The following GAS7 variants were observed in gnomAD, a reference collection of about 807,000 sequenced individuals.
GAS7 encodes growth arrest specific 7.
Under a neutral mutation model 71.1 loss-of-function variants are expected in GAS7, and 28 were observed. The ratio of observed to expected loss-of-function variants is 0.39; its 90% CI spans 0.29 to 0.54. The LOEUF (loss-of-function observed/expected upper bound fraction) is 0.54, where lower values mean the gene tolerates loss of function less well. GAS7 is among the 20% of genes least tolerant of loss of function. The pLI is 0.62. For synonymous variants in GAS7, 258 were observed against 245.8 expected (o/e 1.05, Z -0.46); for missense variants, 436 against 627.8 (o/e 0.69, Z 3.27).
At chr17:10,027,488 G>A (rs904348974) in intron 1 of GAS7, among the ~76,000 whole-genome samples, 1 of 152,188 alleles carries the variant, frequency 6.6e-6, no homozygotes, top group Non-Finnish European at 1.5e-5. Flanking sequence ...ATTAAGAGGT[G>A]GGACCTTTAA....
intron 1 of GAS7, among the ~76,000 whole-genome samples, chr17:10,063,414 T>C (rs2073242018): frequency 6.6e-6 from 1 of 152,214 alleles, no homozygotes; most frequent in African/African-American, 2.4e-5. Flanking sequence ...AACTTCTCAG[T>C]TGCAATGATC....
chr17:10,154,036 A>C (rs1389980507), intron 1 of GAS7, among the ~76,000 whole-genome samples: 2 of 152,202 alleles, frequency 1.3e-5, no homozygotes, highest in Admixed American at 1.3e-4. Flanking sequence ...ATAATAATGT[A>C]ATCTGGATCT....
intron 1 of GAS7, among the ~76,000 whole-genome samples, chr17:10,172,606 G>C (rs148370356): frequency 6.6e-6 from 1 of 152,342 alleles, no homozygotes. Context: ...CTTGACATCT[G>C]ACTTTATAGC....
chr17:9,935,849 G>A (rs986533299), intron 8 of GAS7, among the ~76,000 whole-genome samples: 1 of 152,240 alleles, frequency 6.6e-6, no homozygotes, highest in Non-Finnish European at 1.5e-5. Context: ...AAGGGCCTGA[G>A]ATCCAGGAAG....
chr17:10,055,882 T>C (rs373092314), intron 1 of GAS7, among the ~76,000 whole-genome samples: 1 of 152,162 alleles, frequency 6.6e-6, no homozygotes. Flanking sequence ...CTTTACCTGG[T>C]CCCAATCTCC....
chr17:10,073,844 C>T (rs2073365381), intron 1 of GAS7, among the ~76,000 whole-genome samples: 1 of 152,208 alleles, frequency 6.6e-6, no homozygotes, highest in Non-Finnish European at 1.5e-5. Context: ...AGTTCTCTAA[C>T]TCACTTATCA....
chr17:9,934,974 G>C (rs966359820), intron 8 of GAS7, among the ~76,000 whole-genome samples: 1 of 152,150 alleles, frequency 6.6e-6, no homozygotes, highest in Non-Finnish European at 1.5e-5. Flanking sequence ...GACCAACTGA[G>C]AGCAGCTGCA....
At chr17:10,069,795 T>C (rs753522979) in intron 1 of GAS7, among the ~76,000 whole-genome samples, 4 of 152,218 alleles carry the variant, frequency 2.6e-5, no homozygotes, top group Non-Finnish European at 5.9e-5. Context: ...AAAATTGCAC[T>C]GAACAGAAAA....
In GAS7 at chr17:9,919,531, C is replaced by G; in HGVS notation, c.1218+95G>C. ...GATTTGATGACCATCTCCAGGGTCA[C>G]TCCACCCCATCATCCCCGCGCCCAC... On this transcript the variant is annotated intron_variant, in intron 12 of 13. Coordinates refer to ENST00000432992, the MANE Select transcript of GAS7 (RefSeq NM_201433.2). The surrounding 1 kb of genome is among the most constrained non-coding windows in gnomAD (Gnocchi z 5.0). 1 of 888,460 alleles carries G rather than the reference C, an allele frequency of 1.1e-6. No individual in the cohort carries two copies. The highest frequency in any genetic ancestry group is 1.3e-5 in the South Asian group (1 of 76,330). The allele number at this position is 888,460 out of a possible 1,614,324, so 55.0% of individuals were successfully genotyped here.
At chr17:9,920,565 T>C (rs894413543) in intron 11 of GAS7, among the ~76,000 whole-genome samples, 1 of 152,230 alleles carries the variant, frequency 6.6e-6, no homozygotes, top group Non-Finnish European at 1.5e-5. Flanking sequence ...CCAGTGGCAC[T>C]TGTATGCCCT....
chr17:10,173,636 C>T (rs1210177636), intron 1 of GAS7, among the ~76,000 whole-genome samples: 2 of 151,950 alleles, frequency 1.3e-5, no homozygotes. Flanking sequence ...GGTGTGGCAG[C>T]GGGTGCCAGT....
chr17:10,110,045 C>A (rs1032941056), intron 1 of GAS7, among the ~76,000 whole-genome samples: 1 of 137,786 alleles, frequency 7.3e-6, no homozygotes, highest in Non-Finnish European at 1.5e-5. Flanking sequence ...CACAGCAAGG[C>A]TCCGTCTCAA....
rs1555528661 is a variant in GAS7 at position 10,046,845 on chromosome 17, G to GA, written c.184-26949dup. Among the ~76,000 whole-genome samples, 26 of 108,544 alleles carry GA rather than the reference G, an allele frequency of 2.4e-4. 1 individual carries two copies. The highest frequency in any genetic ancestry group is 4.5e-3 in the Middle Eastern group (1 of 224). The allele number at this position is 108,544 out of a possible 152,430, so 71.2% of individuals were successfully genotyped here. A position where few individuals can be genotyped will look rare whatever the true frequency, so the allele number is the denominator to read the frequency against. ...GGAAGGAAGGAAGGAAGGAAGGAAG[G>GA]AAAGAAAAGAAAAGAAAAAAGAAAA... On this transcript the variant is annotated intron_variant, in intron 1 of 13. Coordinates refer to ENST00000432992, the MANE Select transcript of GAS7 (RefSeq NM_201433.2).
chr17:10,045,302 G>A (rs9896090), intron 1 of GAS7, among the ~76,000 whole-genome samples: 15,230 of 152,206 alleles, frequency 0.1, 1,802 homozygotes, highest in African/African-American at 0.29. Flanking sequence ...GCTGTGCTGG[G>A]CAGAGGGCTC....
At chr17:10,144,233 G>A (rs1223250639) in intron 1 of GAS7, among the ~76,000 whole-genome samples, 1 of 152,210 alleles carries the variant, frequency 6.6e-6, no homozygotes, top group Non-Finnish European at 1.5e-5. Flanking sequence ...GTGCCCACCT[G>A]CTAGTTTTAC....
intron 1 of GAS7, among the ~76,000 whole-genome samples, chr17:10,144,149 G>A (rs578036701): frequency 6.6e-6 from 1 of 152,230 alleles, no homozygotes; most frequent in East Asian, 1.9e-4. Context: ...GTAACTCAAG[G>A]ACTGTGGGGT....
At chr17:9,982,397 G>A (rs540487429) in intron 2 of GAS7, among the ~76,000 whole-genome samples, 41 of 152,212 alleles carry the variant, frequency 2.7e-4, no homozygotes, top group Admixed American at 6.5e-4. Context: ...TCCTGATTTC[G>A]CAGTTCTAAG....
At chr17:9,999,939 T>C (rs759623709) in intron 2 of GAS7, among the ~76,000 whole-genome samples, 1 of 152,188 alleles carries the variant, frequency 6.6e-6, no homozygotes, top group Non-Finnish European at 1.5e-5. Context: ...GAAAACTTCA[T>C]CCATGCAGAG....
intron 2 of GAS7, among the ~76,000 whole-genome samples, chr17:10,005,309 AT>A (rs2071481594): frequency 6.7e-6 from 1 of 150,100 alleles, no homozygotes; most frequent in African/African-American, 2.5e-5. Flanking sequence ...ATACACATAT[AT>A]ACACACACAT....
Sources: gnomAD v4.1 joint callset for allele counts (sites outside exome capture counted in the v4.1 genomes callset) on GRCh38, gnomAD v4.1.1 for gene constraint, Gnocchi (gnomAD v3.1) non-coding constraint, MANE v1.5 for transcripts, NCBI Gene and HGNC (gene_info 2026-07-23, HGNC 2026-07-21) for gene names.